Variants in SLC26A7 observed in about 807,000 individuals in gnomAD.
The protein encoded by SLC26A7 is solute carrier family 26 member 7.
A neutral mutation model predicts 82.5 loss-of-function variants in SLC26A7; 59 were observed. The observed-to-expected ratio is 0.72, with a 90% CI of 0.58 to 0.89. The LOEUF is 0.89. Ranked by LOEUF, SLC26A7 falls within the 40% of genes least tolerant of loss-of-function variation. The pLI is 0.00. For missense variants in SLC26A7, 820 were observed against 793.0 expected, an observed-to-expected ratio of 1.03 and a Z score of -0.41; for synonymous variants, 271 against 274.3, an observed-to-expected ratio of 0.99 and a Z score of 0.12.
chr8:91,234,272 C>T (rs772378062), intron 2 of SLC26A7, among the ~76,000 whole-genome samples: 6 of 152,138 alleles, frequency 3.9e-5, no homozygotes, highest in Non-Finnish European at 5.9e-5. Flanking sequence ...GTCTATTGGA[C>T]ATATCACAAA....
chr8:91,366,386 A>G (rs190547215), intron 13 of SLC26A7, among the ~76,000 whole-genome samples, 194 bp from the exon 14 acceptor site: 2 of 152,296 alleles, frequency 1.3e-5, no homozygotes, highest in East Asian at 1.9e-4. Context: ...GCCATTATTA[A>G]TGTTTCTTAG....
chr8:91,378,828 A>G (rs180682456), intron 15 of SLC26A7, among the ~76,000 whole-genome samples: 1 of 152,206 alleles, frequency 6.6e-6, no homozygotes, highest in Admixed American at 6.5e-5. Flanking sequence ...CAAAAATATA[A>G]CCCCAAAACT....
chr8:91,236,289 T>TTCACTTA (rs1460996065), intron 2 of SLC26A7, among the ~76,000 whole-genome samples: 1 of 152,204 alleles, frequency 6.6e-6, no homozygotes, highest in Non-Finnish European at 1.5e-5. Context: ...TCCAGCTTTG[T>TTCACTTA]TCACTTATCC....
chr8:91,223,793 T>C (rs950272825), intron 2 of SLC26A7, among the ~76,000 whole-genome samples: 1 of 152,180 alleles, frequency 6.6e-6, no homozygotes, highest in Non-Finnish European at 1.5e-5. Flanking sequence ...CTATTCTCCC[T>C]GTCTCCTTCT....
intron 5 of SLC26A7, among the ~76,000 whole-genome samples, chr8:91,331,800 C>T (rs1390524128): frequency 6.6e-6 from 1 of 151,934 alleles, no homozygotes; most frequent in Non-Finnish European, 1.5e-5. Flanking sequence ...CATTACTTCC[C>T]CCAGATTAGA....
At chr8:91,298,392 A>C (rs1012935844) in intron 4 of SLC26A7, among the ~76,000 whole-genome samples, 13 of 152,306 alleles carry the variant, frequency 8.5e-5, no homozygotes, top group South Asian at 2.1e-4. Flanking sequence ...GCATAGAACA[A>C]TAAATTTCTG....
intron 2 of SLC26A7, among the ~76,000 whole-genome samples, chr8:91,265,329 A>G (rs963512705): frequency 1.3e-5 from 2 of 151,998 alleles, no homozygotes; most frequent in East Asian, 3.9e-4. Flanking sequence ...GCTATTGTGG[A>G]TAGTGCTACA....
Position 91,318,248 on chromosome 8 carries a change from C to T in SLC26A7, c.510C>T (p.Ala170=). Residue 170 remains alanine, a synonymous_variant, in exon 5 of 19, where the codon GCC becomes GCT. Transcript: ENST00000276609. ...VAMFVLQLGS[A]TFVVTEPVIS... is the part of the protein sequence containing the mutation. ...TGTTTGTGCTGCAACTGGGCAGTGC[C>T]ACATTTGTGGTCACAGAGCCTGTGA... 6.2e-7 allele frequency: 1 copy of T among 1,603,706 alleles called. No homozygotes were observed. Among genetic ancestry groups the T allele is most frequent in the Non-Finnish European group, 8.5e-7 (1 of 1,174,616 alleles).
chr8:91,392,927 G>A (rs1808443337), intron 16 of SLC26A7, among the ~76,000 whole-genome samples: 1 of 152,234 alleles, frequency 6.6e-6, no homozygotes, highest in East Asian at 1.9e-4. Context: ...TGCAGTCCAT[G>A]CTTTTTGCTG....
chr8:91,277,684 A>G (rs953367354), intron 2 of SLC26A7, among the ~76,000 whole-genome samples: 7 of 152,248 alleles, frequency 4.6e-5, no homozygotes, highest in African/African-American at 1.7e-4. Context: ...GTTTCTGTAT[A>G]AGAAAACTTA....
At chr8:91,241,760 G>C (rs1056364152) in intron 2 of SLC26A7, among the ~76,000 whole-genome samples, 1 of 152,156 alleles carries the variant, frequency 6.6e-6, no homozygotes, top group Non-Finnish European at 1.5e-5. Context: ...ATAATTATAA[G>C]CCCTCCATCT....
chr8:91,292,313 A>G (rs921709598), intron 3 of SLC26A7, among the ~76,000 whole-genome samples: 2 of 151,970 alleles, frequency 1.3e-5, no homozygotes, highest in Admixed American at 6.6e-5. Context: ...CTCAAAAAAA[A>G]AAAAAAAAGA....
intron 2 of SLC26A7, among the ~76,000 whole-genome samples, chr8:91,269,347 C>T (rs556580459): frequency 2.6e-5 from 4 of 152,116 alleles, no homozygotes; most frequent in South Asian, 2.1e-4. Context: ...AGGTTAACTT[C>T]GCTTAGTACA....
rs58981485 is a variant in SLC26A7 at position 91,316,451 on chromosome 8, ATTTTTTTTTTTTTTTTTTTTTT to A, written c.478-1747_478-1726del. ...GAACTCGCTGCCACACTCAACACTA[ATTTTTTTTTTTTTTTTTTTTTT>A]TTTTTTTTTTTTTTTTTAGGAGACA... On this transcript the variant is annotated intron_variant, in intron 4 of 18. Transcript: ENST00000276609. Among the ~76,000 whole-genome samples, 83 of 34,424 alleles carry A rather than the reference ATTTTTTTTTTTTTTTTTTTTTT, an allele frequency of 2.4e-3. 2 individuals are homozygous for A. The South Asian group carries it at 0.034, about 14-fold the overall frequency. The allele number at this position is 34,424 out of a possible 152,430, so 22.6% of individuals were successfully genotyped here. A position where few individuals can be genotyped will look rare whatever the true frequency, so the allele number is the denominator to read the frequency against.
chr8:91,235,667 T>A (rs1810384647), intron 2 of SLC26A7, among the ~76,000 whole-genome samples: 1 of 152,224 alleles, frequency 6.6e-6, no homozygotes, highest in African/African-American at 2.4e-5. Flanking sequence ...TTAAAAGGAC[T>A]GATTTCAAAC....
At chr8:91,312,663 GT>G (rs1812522298) in intron 4 of SLC26A7, among the ~76,000 whole-genome samples, 1 of 151,690 alleles carries the variant, frequency 6.6e-6, no homozygotes, top group Non-Finnish European at 1.5e-5. Context: ...GTGTGTGTGT[GT>G]GTGTGTGTGT....
intron 6 of SLC26A7, among the ~76,000 whole-genome samples, chr8:91,334,984 A>G (rs1040326834): frequency 2.6e-5 from 4 of 152,178 alleles, no homozygotes; most frequent in Non-Finnish European, 5.9e-5. Context: ...TGGAAAAGCA[A>G]TACATTACAT....
At chr8:91,362,780 T>A (rs554304712) in intron 12 of SLC26A7, among the ~76,000 whole-genome samples, 137 of 152,030 alleles carry the variant, frequency 9.0e-4, no homozygotes, top group Non-Finnish European at 1.6e-3. Flanking sequence ...GTGAAAAGAG[T>A]TAGTAGCTAA....
Position 91,340,440 on chromosome 8 carries a change from C to T in SLC26A7, c.915C>T (p.Leu305=), listed in dbSNP as rs1260663122. 6.2e-7 allele frequency: 1 copy of T among 1,614,034 alleles called. No individual in the cohort carries two copies. The highest frequency in any genetic ancestry group is 1.7e-5 in the Admixed American group (1 of 60,008). The change falls in exon 8 of 19, where the codon CTC becomes CTT. Residue 305 remains leucine, a synonymous_variant. Transcript: ENST00000276609. The part of the protein sequence containing the change: ...PSPRAPPMNI[L]SAVITEAFGV... ...CTAGAGCTCCCCCGATGAACATCCT[C>T]TCTGCGGTGATCACTGAAGCTTTCG...
Sources: allele counts gnomAD v4.1 joint callset (sites outside exome capture counted in the v4.1 genomes callset), GRCh38; gene constraint gnomAD v4.1.1; transcripts MANE v1.5; gene names NCBI Gene and HGNC (gene_info 2026-07-23, HGNC 2026-07-21).